Variants in RNF220 observed in about 807,000 individuals in gnomAD.
RNF220 encodes E3 ubiquitin-protein ligase RNF220.
Under a neutral mutation model 67.1 loss-of-function variants are expected in RNF220, and 7 were observed. The observed-to-expected ratio is 0.10, with a 90% CI of 0.06 to 0.20. The LOEUF (loss-of-function observed/expected upper bound fraction) is 0.20. Among genes scored for constraint, RNF220 ranks in the 10% least tolerant of loss-of-function variants. The pLI, the probability that RNF220 is intolerant of heterozygous loss-of-function variation, is 1.00. For synonymous variants in RNF220, 270 were observed against 283.2 expected (o/e 0.95, Z 0.47); for missense variants, 565 against 740.3 (o/e 0.76, Z 2.75).
chr1:44,503,163 G>A (rs920482978), intron 2 of RNF220, among the ~76,000 whole-genome samples: 11 of 151,804 alleles, frequency 7.2e-5, no homozygotes, highest in East Asian at 3.9e-4. Flanking sequence ...GTGAAACCCC[G>A]TCTCTGCTGA....
chr1:44,455,888 C>T (rs1273772857), intron 2 of RNF220, among the ~76,000 whole-genome samples: 3 of 152,248 alleles, frequency 2.0e-5, no homozygotes, highest in Admixed American at 6.5e-5. Flanking sequence ...ACACCTGAAC[C>T]GATCTCAGAA....
intron 2 of RNF220, among the ~76,000 whole-genome samples, chr1:44,604,550 C>T (rs1667141132): frequency 6.6e-6 from 1 of 152,266 alleles, no homozygotes; most frequent in Non-Finnish European, 1.5e-5. Flanking sequence ...AGCAAAGGCT[C>T]ATGGGGTCAA....
intron 2 of RNF220, among the ~76,000 whole-genome samples, chr1:44,595,953 A>G (rs181159439): frequency 0.013 from 1,907 of 151,876 alleles, 12 homozygotes; most frequent in Non-Finnish European, 0.02. Context: ...TTTAGTAGAG[A>G]CGGGGTTTTG....
chr1:44,475,404 C>G (rs1430621902), intron 2 of RNF220, among the ~76,000 whole-genome samples: 2 of 151,512 alleles, frequency 1.3e-5, no homozygotes, highest in Non-Finnish European at 2.9e-5. Context: ...AACTCCGTCT[C>G]TACTAAAAAT....
intron 2 of RNF220, among the ~76,000 whole-genome samples, chr1:44,459,452 A>G (rs1653543460): frequency 7.2e-6 from 1 of 138,244 alleles, no homozygotes; most frequent in South Asian, 2.7e-4. Flanking sequence ...ACCCCCCCTA[A>G]TAAACCCCCC....
At chr1:44,461,987 G>T (rs1322184697) in intron 2 of RNF220, among the ~76,000 whole-genome samples, 1 of 144,484 alleles carries the variant, frequency 6.9e-6, no homozygotes, top group African/African-American at 2.6e-5. Context: ...GAGTGCAGTG[G>T]TGCCATCTTG....
intron 2 of RNF220, among the ~76,000 whole-genome samples, chr1:44,610,260 T>C (rs1216649244): frequency 6.6e-6 from 1 of 152,212 alleles, no homozygotes; most frequent in African/African-American, 2.4e-5. Flanking sequence ...CAGCTAAAAA[T>C]TGTTGTCAGT....
At chr1:44,452,414 C>T (rs1402332276) in intron 2 of RNF220, among the ~76,000 whole-genome samples, 7 of 151,906 alleles carry the variant, frequency 4.6e-5, no homozygotes, top group Non-Finnish European at 1.0e-4. Flanking sequence ...ATTAGCCGGG[C>T]TTGGTGGCGG....
intron 2 of RNF220, among the ~76,000 whole-genome samples, chr1:44,544,024 C>A (rs1305909515): frequency 6.6e-5 from 10 of 152,224 alleles, no homozygotes; most frequent in Admixed American, 5.9e-4. Context: ...ATCCCACTGG[C>A]CTGTGGAGCT....
chr1:44,424,096 A>T, intron 2 of RNF220: 1 of 856,566 alleles, frequency 1.2e-6, no homozygotes, highest in Non-Finnish European at 1.4e-6. Flanking sequence ...GAATCAAAGA[A>T]GTAGGAGATG....
In RNF220 at chr1:44,621,061, G is replaced by A. The variant is rs1252457527; in HGVS notation, c.759-1681G>A. Among the ~76,000 whole-genome samples the A allele has an allele frequency of 6.6e-6, 1 of 151,986 alleles. No homozygotes were observed. The highest frequency in any genetic ancestry group is 1.5e-5 in the Non-Finnish European group (1 of 67,966). ...CTCCCGAGTAGCTGGGATTACAGGCGCCTGCCACCACGCCCAGCTAATTTT... is the reference window on the plus strand; with the variant it reads ...CTCCCGAGTAGCTGGGATTACAGGCACCTGCCACCACGCCCAGCTAATTTT... On this transcript the variant is annotated intron_variant, in intron 3 of 14. Transcript: ENST00000361799. The surrounding 1 kb of genome is among the most constrained non-coding windows in gnomAD (Gnocchi z 4.8).
At chr1:44,628,321 T>G (rs1053734748) in intron 5 of RNF220, among the ~76,000 whole-genome samples, 45 of 152,368 alleles carry the variant, frequency 3.0e-4, no homozygotes, top group African/African-American at 1.0e-3. Flanking sequence ...TCAGTATTTC[T>G]TTTATCTCCT....
chr1:44,527,937 A>AAAAG (rs1660519927), intron 2 of RNF220, among the ~76,000 whole-genome samples: 23 of 138,226 alleles, frequency 1.7e-4, no homozygotes, highest in South Asian at 2.3e-4. Context: ...AAAAAAAAAA[A>AAAAG]AAAAAAAAAA....
chr1:44,625,454 T>C (rs1191010672), intron 4 of RNF220, among the ~76,000 whole-genome samples: 1 of 152,194 alleles, frequency 6.6e-6, no homozygotes, highest in East Asian at 1.9e-4. Context: ...GCTCCATCTT[T>C]CCCAAATTGC....
At position 44,422,002 on chromosome 1, in the gene RNF220, G is replaced by C. The variant is rs560343978; in HGVS notation, c.625+9280G>C. Reference sequence around the variant, plus strand: ...CCTTCATGGCTCCATTTAAAGGAAGGGTTCAGCTCACCTTTGGAAGTAAAG... The same window carrying C: ...CCTTCATGGCTCCATTTAAAGGAAGCGTTCAGCTCACCTTTGGAAGTAAAG... On this transcript the variant is annotated intron_variant, in intron 2 of 14. Coordinates refer to ENST00000361799, the MANE Select transcript of RNF220 (RefSeq NM_018150.4). Among the ~76,000 whole-genome samples the C allele has an allele frequency of 6.9e-4, 105 of 152,286 alleles. 1 individual carries two copies. Among genetic ancestry groups the C allele is most frequent in the African/African-American group, 2.4e-3 (99 of 41,544 alleles).
chr1:44,487,371 A>T (rs527370782), intron 2 of RNF220, among the ~76,000 whole-genome samples: 201 of 151,578 alleles, frequency 1.3e-3, no homozygotes, highest in African/African-American at 4.7e-3. Context: ...AAATAATTTT[A>T]AAAAATAAAA....
At chr1:44,478,699 G>T (rs1461539802) in intron 2 of RNF220, among the ~76,000 whole-genome samples, 1 of 152,152 alleles carries the variant, frequency 6.6e-6, no homozygotes, top group Non-Finnish European at 1.5e-5. Flanking sequence ...TCCAGCCTGG[G>T]CAACAGAGCG....
At chr1:44,591,863 A>T (rs1364023488) in intron 2 of RNF220, among the ~76,000 whole-genome samples, 1 of 151,464 alleles carries the variant, frequency 6.6e-6, no homozygotes, top group Non-Finnish European at 1.5e-5. Context: ...TTGCCATCTG[A>T]CACTCCAGAC....
intron 2 of RNF220, among the ~76,000 whole-genome samples, chr1:44,440,673 A>G (rs1651454642): frequency 6.6e-6 from 1 of 152,044 alleles, no homozygotes; most frequent in South Asian, 2.1e-4. Flanking sequence ...CCTTTTTGTC[A>G]CTCCAGCAGA....
Sources: allele counts gnomAD v4.1 joint callset (sites outside exome capture counted in the v4.1 genomes callset), GRCh38; gene constraint gnomAD v4.1.1; non-coding constraint Gnocchi (gnomAD v3.1); transcripts MANE v1.5; gene names NCBI Gene and HGNC (gene_info 2026-07-23, HGNC 2026-07-21).